Variants in ZFP2 observed in about 807,000 individuals in gnomAD.
ZFP2 encodes ZFP2 zinc finger protein, also known as zinc finger protein ZFP2.
A neutral mutation model predicts 36.1 loss-of-function variants in ZFP2; 33 were observed. That is an observed-to-expected ratio of 0.92 (90% confidence interval 0.69 to 1.22). ZFP2 has a LOEUF of 1.22. Among genes scored for constraint, ZFP2 ranks in the 50% most tolerant of loss-of-function variants. ZFP2 has a pLI of 0.00. For synonymous variants in ZFP2, 170 were observed against 178.0 expected, an observed-to-expected ratio of 0.96 and a Z score of 0.36; for missense variants, 522 against 551.4, an observed-to-expected ratio of 0.95 and a Z score of 0.53.
intron 4 of ZFP2, among the ~76,000 whole-genome samples, chr5:178,926,289 T>A (rs1758667787): frequency 6.6e-6 from 1 of 152,212 alleles, no homozygotes. Context: ...TTCCTGAACT[T>A]CTTCATAGTT....
intron 4 of ZFP2, among the ~76,000 whole-genome samples, chr5:178,924,742 G>A (rs1758631308): frequency 6.7e-6 from 1 of 148,528 alleles, no homozygotes; most frequent in South Asian, 2.1e-4. Context: ...CAGCTACTTG[G>A]GAGACTGAGG....
intron 4 of ZFP2, chr5:178,922,241 T>A: frequency 9.5e-7 from 1 of 1,055,952 alleles, no homozygotes; most frequent in Non-Finnish European, 1.5e-6. Flanking sequence ...AGTACTATAT[T>A]TAGTAGTGAA....
intron 4 of ZFP2, among the ~76,000 whole-genome samples, chr5:178,922,921 A>G (rs1451701169): frequency 6.7e-6 from 1 of 149,446 alleles, no homozygotes; most frequent in Non-Finnish European, 1.5e-5. Flanking sequence ...TAGAAAAAAA[A>G]ATATTGAAAG....
intron 1 of ZFP2, among the ~76,000 whole-genome samples, chr5:178,899,205 G>A (rs2113041376): frequency 6.6e-6 from 1 of 152,248 alleles, no homozygotes; most frequent in Middle Eastern, 3.4e-3. Flanking sequence ...ACATTGTCTT[G>A]GCAAGAGGCT....
chr5:178,899,700 A>G (rs1271592707), intron 1 of ZFP2, among the ~76,000 whole-genome samples: 2 of 152,076 alleles, frequency 1.3e-5, no homozygotes, highest in Non-Finnish European at 2.9e-5. Context: ...GGAAGCATGG[A>G]GCTGGGATAG....
chr5:178,930,885 C>T (rs1758813434), intron 4 of ZFP2, among the ~76,000 whole-genome samples: 1 of 152,216 alleles, frequency 6.6e-6, no homozygotes, highest in Non-Finnish European at 1.5e-5. Context: ...CTTTCCCAAT[C>T]CCAGCTCTTC....
chr5:178,924,483 TATC>T lies in ZFP2; in HGVS notation c.-77-6753_-77-6751del, dbSNP rs1428024881. Reference sequence around the variant, plus strand: ...AAAGTCCGAAGTTTCATCTTAGTGTTATCGTAACCACTGTGCCCTTCTGCTTCT... The same window carrying T: ...AAAGTCCGAAGTTTCATCTTAGTGTTGTAACCACTGTGCCCTTCTGCTTCT... On this transcript the variant is annotated intron_variant, in intron 4 of 4. Transcript: ENST00000361362. 1.3e-5 allele frequency among the ~76,000 whole-genome samples: 2 copies of T among 148,940 alleles called. 1 individual carries two copies. Among genetic ancestry groups the T allele is most frequent in the Admixed American group, 1.3e-4 (2 of 14,902 alleles).
At chr5:178,906,713 G>A (rs1182428332) in intron 1 of ZFP2, among the ~76,000 whole-genome samples, 1 of 151,902 alleles carries the variant, frequency 6.6e-6, no homozygotes, top group South Asian at 2.1e-4. Flanking sequence ...ACGCCACTGT[G>A]TCTGGCTAAT....
chr5:178,931,128 G>T (rs1194948170), intron 4 of ZFP2, 109 bp from the exon 5 acceptor site: 1 of 1,226,908 alleles, frequency 8.2e-7, no homozygotes, highest in East Asian at 2.7e-5. Context: ...AATGTGCTCA[G>T]CAGTTATTTT....
At chr5:178,921,197 G>A (rs142581852) in intron 4 of ZFP2, among the ~76,000 whole-genome samples, 2 of 152,240 alleles carry the variant, frequency 1.3e-5, no homozygotes, top group Admixed American at 6.5e-5. Flanking sequence ...TATGTATCTC[G>A]CAGGTGAGCC....
In ZFP2 at chr5:178,911,057, C is replaced by T. The variant is rs188746328; in HGVS notation, c.-449-1527C>T. On this transcript the variant is annotated intron_variant, in intron 1 of 4. Coordinates refer to ENST00000361362, the MANE Select transcript of ZFP2 (RefSeq NM_030613.4). The stretch of plus-strand genomic sequence containing the variant: ...CGTTTGTTGAACATCTGATGATTTT[C>T]TTAGTTCCCTTTCTCCTTGGTTAAA... Among the ~76,000 whole-genome samples the T allele has an allele frequency of 3.3e-5, 5 of 152,260 alleles. No individual in the cohort carries two copies. The East Asian group carries it at 9.7e-4, about 29-fold the overall frequency.
chr5:178,912,193 T>C (rs1758312678), intron 1 of ZFP2, among the ~76,000 whole-genome samples: 1 of 152,180 alleles, frequency 6.6e-6, no homozygotes, highest in African/African-American at 2.4e-5. Context: ...TGTGACTGTA[T>C]GTGGCTGATA....
chr5:178,916,258 G>T lies in ZFP2; in HGVS notation c.-223-307G>T, dbSNP rs547314884. ...TGATGAGGGAGTGGCCTGGGACCCA[G>T]GGAAGAGCCCATTTAGTGCTGAGAG... On this transcript the variant is annotated intron_variant, in intron 3 of 4. Coordinates refer to ENST00000361362, the MANE Select transcript of ZFP2 (RefSeq NM_030613.4). Among the ~76,000 whole-genome samples the T allele has an allele frequency of 1.2e-4, 19 of 152,314 alleles. No individual in the cohort carries two copies. The South Asian group carries it at 3.5e-3, about 28-fold the overall frequency.
chr5:178,906,829 A>G (rs1458617338), intron 1 of ZFP2, among the ~76,000 whole-genome samples: 2 of 151,082 alleles, frequency 1.3e-5, no homozygotes, highest in African/African-American at 4.9e-5. Context: ...AAGTGCTGGG[A>G]TTATAGGCGT....
chr5:178,926,909 C>G (rs1175758099), intron 4 of ZFP2, among the ~76,000 whole-genome samples: 3 of 152,160 alleles, frequency 2.0e-5, no homozygotes, highest in Admixed American at 2.0e-4. Flanking sequence ...GGTTGTCTTT[C>G]CACTTTTTCT....
intron 1 of ZFP2, among the ~76,000 whole-genome samples, chr5:178,896,444 G>T (rs1013058256): frequency 1.3e-5 from 2 of 152,184 alleles, no homozygotes; most frequent in African/African-American, 2.4e-5. Context: ...GGGGATTCTG[G>T]GCCAGAGGCT....
At chr5:178,925,081 C>G (rs1758638219) in intron 4 of ZFP2, among the ~76,000 whole-genome samples, 1 of 143,512 alleles carries the variant, frequency 7.0e-6, no homozygotes, top group African/African-American at 2.5e-5. Flanking sequence ...TGGTTTTGGT[C>G]TGTTTTAAAA....
intron 1 of ZFP2, among the ~76,000 whole-genome samples, chr5:178,905,951 C>T (rs1581829509): frequency 6.6e-6 from 1 of 152,072 alleles, no homozygotes; most frequent in East Asian, 1.9e-4. Flanking sequence ...AAGGTTTCGT[C>T]ATGTTACCCA....
chr5:178,916,170 G>C (rs1355969983), intron 3 of ZFP2, among the ~76,000 whole-genome samples: 2 of 152,074 alleles, frequency 1.3e-5, no homozygotes, highest in Admixed American at 6.6e-5. Flanking sequence ...CGAAGGGAGA[G>C]AGGAGAGTCA....
Sources: allele counts gnomAD v4.1 joint callset (sites outside exome capture counted in the v4.1 genomes callset), GRCh38; gene constraint gnomAD v4.1.1; transcripts MANE v1.5; gene names NCBI Gene and HGNC (gene_info 2026-07-23, HGNC 2026-07-21).